Variants in HLTF observed in about 807,000 individuals in gnomAD.
The protein encoded by HLTF is helicase like transcription factor, also known as DNA-dependent ATPase/E3 ubiquitin-protein ligase HLTF.
Under a neutral mutation model 129.4 loss-of-function variants are expected in HLTF, and 127 were observed. That is an observed-to-expected ratio of 0.98 (90% confidence interval 0.85 to 1.14). The LOEUF (loss-of-function observed/expected upper bound fraction) is 1.14. Ranked by LOEUF, HLTF falls within the 50% of genes most tolerant of loss-of-function variation. The probability of loss-of-function intolerance (pLI) is 0.00; values close to 1 mark genes in which losing one functional copy is unlikely to be tolerated. For missense variants in HLTF, 1,139 were observed against 1,187.1 expected (o/e 0.96, Z 0.60); for synonymous variants, 332 against 388.8 (o/e 0.85, Z 1.72).
intron 19 of HLTF, 26 bp downstream of exon 19, chr3:149,042,140 G>T: frequency 6.2e-7 from 1 of 1,603,584 alleles, no homozygotes; most frequent in South Asian, 1.1e-5. Context: ...CAAATACAAT[G>T]ATATGAAGCA....
At chr3:149,066,516 T>G (rs1718392228) in intron 8 of HLTF, among the ~76,000 whole-genome samples, 1 of 152,026 alleles carries the variant, frequency 6.6e-6, no homozygotes, top group Admixed American at 6.5e-5. Context: ...TAAACATACT[T>G]GAAAGAGTGA....
intron 1 of HLTF, 64 bp from the exon 2 acceptor site, chr3:149,084,953 G>GAAAAC: frequency 8.6e-7 from 1 of 1,162,910 alleles, no homozygotes; most frequent in Non-Finnish European, 1.3e-6. Flanking sequence ...GACCATATGA[G>GAAAAC]TAGTTTTCTC....
chr3:149,058,142 G>A (rs1231855518), intron 13 of HLTF, among the ~76,000 whole-genome samples: 1 of 152,134 alleles, frequency 6.6e-6, no homozygotes, highest in Non-Finnish European at 1.5e-5. Context: ...CTGTCACCCA[G>A]GCTGGAATGC....
Position 149,063,529 on chromosome 3 carries a change from T to C in HLTF, c.1067-5A>G, listed in dbSNP as rs201252374. 3.2e-6 allele frequency: 5 copies of C among 1,549,040 alleles called. No individual in the cohort carries two copies. In the Admixed American group the frequency reaches 8.3e-5, roughly 26 times the overall value. ...GTTCACTACATCTAGATGCGTCTAT[T>C]TCAAAGAAAAATGCAAATATAAAGT... is the stretch of plus-strand genomic sequence containing the variant. On this transcript the variant is annotated splice_region_variant and splice_polypyrimidine_tract_variant and intron_variant, in intron 9 of 24. Transcript: ENST00000310053.
At chr3:149,081,872 G>A (rs916915454) in intron 2 of HLTF, among the ~76,000 whole-genome samples, 1 of 152,094 alleles carries the variant, frequency 6.6e-6, no homozygotes, top group Admixed American at 6.5e-5. Context: ...AAATCCTTCA[G>A]GAATAGGAGT....
chr3:149,064,911 T>C (rs764863958), intron 8 of HLTF, 45 bp from the exon 9 acceptor site: 6 of 998,718 alleles, frequency 6.0e-6, no homozygotes, highest in Non-Finnish European at 9.4e-6. Flanking sequence ...CTATCAGTTT[T>C]AAATAACTTT....
chr3:149,048,135 G>A lies in HLTF; in HGVS notation c.1785C>T (p.Asp595=), dbSNP rs758383299. Residue 595 remains aspartate (D), a synonymous_variant, in exon 17 of 25, where the codon GAC becomes GAT. Transcript: ENST00000310053. ...TTAAAAAGGAAAGAAGAGACCACAA[G>A]TCCTTTAAAGAATTCTGGATTGGAG... ...TGTPIQNSLK[D]LWSLLSFLKL... 20 of 1,608,974 alleles carry A rather than the reference G, an allele frequency of 1.2e-5. 1 individual carries two copies. The highest frequency in any genetic ancestry group is 1.2e-5 in the Non-Finnish European group (14 of 1,178,044).
intron 10 of HLTF, 81 bp downstream of exon 10, chr3:149,063,350 G>A (rs944448925): frequency 2.9e-5 from 27 of 938,544 alleles, no homozygotes; most frequent in South Asian, 2.4e-4. Context: ...GTGAGCCACC[G>A]TGCCCAGCCT....
intron 1 of HLTF, among the ~76,000 whole-genome samples, chr3:149,085,953 G>A (rs190456614): frequency 6.6e-6 from 1 of 152,132 alleles, no homozygotes; most frequent in Non-Finnish European, 1.5e-5. Flanking sequence ...GATAAGCTGT[G>A]AGCCACTTGG....
chr3:149,074,169 G>C (rs750813639), intron 4 of HLTF, 46 bp downstream of exon 4: 15 of 1,555,320 alleles, frequency 9.6e-6, no homozygotes, highest in Admixed American at 1.8e-5. Context: ...CATAATCCCT[G>C]CATCTTACAA....
intron 17 of HLTF, 22 bp from the exon 18 acceptor site, chr3:149,046,281 A>C: frequency 7.9e-7 from 1 of 1,265,352 alleles, no homozygotes; most frequent in Non-Finnish European, 1.1e-6. Context: ...AAAACAAATA[A>C]TTATGTAACT....
chr3:149,079,373 T>TTAAAAA (rs1719668736), intron 2 of HLTF, among the ~76,000 whole-genome samples: 4 of 57,230 alleles, frequency 7.0e-5, no homozygotes, highest in Non-Finnish European at 1.3e-4. Context: ...CGACAGTTTC[T>TTAAAAA]AAAAAAAAAA....
At chr3:149,067,739 A>T (rs1718517789) in intron 8 of HLTF, among the ~76,000 whole-genome samples, 1 of 152,190 alleles carries the variant, frequency 6.6e-6, no homozygotes, top group Non-Finnish European at 1.5e-5. Flanking sequence ...GGAAAAAATG[A>T]ATTTCTGGTA....
intron 22 of HLTF, 77 bp from the exon 23 acceptor site, chr3:149,039,306 C>G (rs1178276258): frequency 9.4e-7 from 1 of 1,064,072 alleles, no homozygotes; most frequent in African/African-American, 1.6e-5. Flanking sequence ...AACTACAAAT[C>G]TCTTCAATAA....
intron 2 of HLTF, among the ~76,000 whole-genome samples, chr3:149,076,950 T>A (rs1719410896): frequency 6.6e-6 from 1 of 152,084 alleles, no homozygotes; most frequent in Non-Finnish European, 1.5e-5. Flanking sequence ...CCAGCAATCC[T>A]GTAGCCTTTA....
At chr3:149,053,891 T>C (rs1717199342) in intron 14 of HLTF, among the ~76,000 whole-genome samples, 1 of 152,160 alleles carries the variant, frequency 6.6e-6, no homozygotes, top group African/African-American at 2.4e-5. Context: ...CAAGTACCCA[T>C]GTACTATCCT....
At chr3:149,037,675 TATTCCTACATGTATCTCAGTAGA>T (rs1447927721) in intron 23 of HLTF, among the ~76,000 whole-genome samples, 1 of 152,172 alleles carries the variant, frequency 6.6e-6, no homozygotes, top group African/African-American at 2.4e-5. Flanking sequence ...ATCTCAGTAG[TATTCCTACATGTATCTCAGTAGA>T]ATTCCTACAT....
intron 5 of HLTF, 90 bp from the exon 6 acceptor site, chr3:149,071,747 T>C: frequency 1.2e-6 from 1 of 849,086 alleles, no homozygotes; most frequent in Non-Finnish European, 1.9e-6. Flanking sequence ...TTTAATTAAC[T>C]GGCGTTAATG....
At chr3:149,056,967 G>A (rs1035035307) in intron 13 of HLTF, among the ~76,000 whole-genome samples, 1 of 151,742 alleles carries the variant, frequency 6.6e-6, no homozygotes, top group African/African-American at 2.4e-5. Context: ...AAATTAGCCG[G>A]GGGAGGTGGC....
Sources: allele counts gnomAD v4.1 joint callset (sites outside exome capture counted in the v4.1 genomes callset), GRCh38; gene constraint gnomAD v4.1.1; transcripts MANE v1.5; gene names NCBI Gene and HGNC (gene_info 2026-07-23, HGNC 2026-07-21).